The following SH3RF3 variants were observed in gnomAD, a reference collection of about 807,000 sequenced individuals.
The protein encoded by SH3RF3 is SH3 domain containing ring finger 3.
Under a neutral mutation model 66.3 loss-of-function variants are expected in SH3RF3, and 29 were observed. That is an observed-to-expected ratio of 0.44 (90% CI 0.33 to 0.60). The LOEUF (loss-of-function observed/expected upper bound fraction) is 0.60. SH3RF3 is among the 20% of genes least tolerant of loss of function. The pLI is 0.04. For missense variants in SH3RF3, 1,194 were observed against 1,190.9 expected, an observed-to-expected ratio of 1.00 and a Z score of -0.04; for synonymous variants, 583 against 532.0, an observed-to-expected ratio of 1.10 and a Z score of -1.32.
chr2:109,167,658 G>C (rs941387059), intron 1 of SH3RF3, among the ~76,000 whole-genome samples: 5 of 152,156 alleles, frequency 3.3e-5, no homozygotes, highest in African/African-American at 1.2e-4. Context: ...TGCAACCTCA[G>C]CTTCCTGGGT....
At chr2:109,321,754 A>G (rs1222809308) in intron 1 of SH3RF3, among the ~76,000 whole-genome samples, 2 of 152,210 alleles carry the variant, frequency 1.3e-5, no homozygotes, top group African/African-American at 2.4e-5. Context: ...GGGAAGATCT[A>G]CTTCCAACTA....
intron 1 of SH3RF3, among the ~76,000 whole-genome samples, chr2:109,307,046 G>A (rs1223816752): frequency 2.0e-5 from 3 of 152,202 alleles, no homozygotes; most frequent in Non-Finnish European, 4.4e-5. Context: ...ATTTATAAAT[G>A]TGAGGCTTTT....
Position 109,129,248 on chromosome 2 carries a change from C to T in SH3RF3, c.-293C>T, listed in dbSNP as rs1453675730. 2 of 579,448 alleles carry T rather than the reference C, an allele frequency of 3.5e-6. No individual in the cohort carries two copies. Among genetic ancestry groups the T allele is most frequent in the African/African-American group, 4.0e-5 (2 of 50,224 alleles). The allele number at this position is 579,448 out of a possible 1,614,324, so 35.9% of individuals were successfully genotyped here. On this transcript the variant is annotated 5_prime_UTR_variant, in exon 1 of 10. Coordinates refer to ENST00000309415, the MANE Select transcript of SH3RF3 (RefSeq NM_001099289.3). ...CGTGCCCGGCAGCACCCCCGGTCCC[C>T]CGCGCGGGGCGGACTTGCGGCGGGA...
intron 1 of SH3RF3, among the ~76,000 whole-genome samples, chr2:109,209,520 C>G (rs749998088): frequency 1.3e-5 from 2 of 152,088 alleles, no homozygotes; most frequent in Non-Finnish European, 2.9e-5. Flanking sequence ...GCAAGGGAGG[C>G]GAGAACTGTG....
intron 1 of SH3RF3, among the ~76,000 whole-genome samples, chr2:109,274,964 C>T (rs1680719415): frequency 6.6e-6 from 1 of 151,928 alleles, no homozygotes; most frequent in African/African-American, 2.4e-5. Flanking sequence ...TGGTTAATTT[C>T]CTGTTATATG....
chr2:109,167,812 C>T (rs1677665818), intron 1 of SH3RF3, among the ~76,000 whole-genome samples: 1 of 152,156 alleles, frequency 6.6e-6, no homozygotes, highest in Admixed American at 6.5e-5. Context: ...ACCTTGTGAT[C>T]CACCCACCTC....
rs59898984 is a variant in SH3RF3 at position 109,136,226 on chromosome 2, T to TA, written c.573+6122dup. ...TAACATGATCTTTTTTGAGGTGCAT[T>TA]AAAAAAAAACACACACATCAGCAAG... is the stretch of plus-strand genomic sequence containing the variant. On this transcript the variant is annotated intron_variant, in intron 1 of 9. Transcript: ENST00000309415. 4.8e-4 allele frequency among the ~76,000 whole-genome samples: 73 copies of TA among 151,074 alleles called. No individual in the cohort carries two copies. In the South Asian group the frequency reaches 7.7e-3, roughly 16 times the overall value.
Position 109,501,930 on chromosome 2 carries a change from TGAG to T in SH3RF3, c.*262_*264del. On this transcript the variant is annotated 3_prime_UTR_variant, in exon 10 of 10. Coordinates refer to ENST00000309415, the MANE Select transcript of SH3RF3 (RefSeq NM_001099289.3). ...TGTGGAAACTGCAAAGAAAGCACCT[TGAG>T]GAAGAGAGGCAGGTGCCGGCGCAGG... 1 of 441,076 alleles carries T rather than the reference TGAG, an allele frequency of 2.3e-6. No homozygotes were observed. Among genetic ancestry groups the T allele is most frequent in the South Asian group, 3.9e-5 (1 of 25,466 alleles). 27.3% of individuals were successfully genotyped at this position (441,076 alleles called of 1,614,324 possible).
At chr2:109,421,645 C>T (rs1418909673) in intron 5 of SH3RF3, among the ~76,000 whole-genome samples, 1 of 152,198 alleles carries the variant, frequency 6.6e-6, no homozygotes, top group Non-Finnish European at 1.5e-5. Flanking sequence ...CCACCTTCTC[C>T]CTCTGGGCTT....
chr2:109,418,153 C>T (rs183818183), intron 4 of SH3RF3, among the ~76,000 whole-genome samples: 2 of 152,232 alleles, frequency 1.3e-5, no homozygotes, highest in East Asian at 1.9e-4. Context: ...AGCCTGGCCC[C>T]GTCCTGTGCT....
chr2:109,465,109 A>T (rs1283165428), intron 8 of SH3RF3, among the ~76,000 whole-genome samples: 1 of 152,154 alleles, frequency 6.6e-6, no homozygotes, highest in Non-Finnish European at 1.5e-5. Flanking sequence ...TTATTTAGTG[A>T]TGTGCATTTA....
intron 1 of SH3RF3, among the ~76,000 whole-genome samples, chr2:109,202,466 T>G (rs1678698856): frequency 6.6e-6 from 1 of 152,246 alleles, no homozygotes; most frequent in Non-Finnish European, 1.5e-5. Context: ...CACAGTACTT[T>G]TTCTCTTTGT....
intron 1 of SH3RF3, among the ~76,000 whole-genome samples, chr2:109,230,208 C>A (rs1022122560): frequency 2.6e-5 from 4 of 151,946 alleles, no homozygotes; most frequent in African/African-American, 4.8e-5. Context: ...TACGGACATT[C>A]CTCAACTTGG....
chr2:109,183,120 A>G (rs546266384), intron 1 of SH3RF3, among the ~76,000 whole-genome samples: 1 of 152,236 alleles, frequency 6.6e-6, no homozygotes, highest in East Asian at 1.9e-4. Flanking sequence ...TCTTTAGAAG[A>G]TTGTGTACAA....
intron 1 of SH3RF3, among the ~76,000 whole-genome samples, chr2:109,230,203 A>G (rs1204231878): frequency 6.6e-6 from 1 of 152,044 alleles, no homozygotes; most frequent in Non-Finnish European, 1.5e-5. Flanking sequence ...TCAAATACGG[A>G]CATTCCTCAA....
chr2:109,479,641 T>C (rs974216494), intron 8 of SH3RF3, among the ~76,000 whole-genome samples: 3 of 152,098 alleles, frequency 2.0e-5, no homozygotes, highest in African/African-American at 7.2e-5. Flanking sequence ...AGGGCTCTAC[T>C]CCCACAGACA....
intron 1 of SH3RF3, among the ~76,000 whole-genome samples, chr2:109,177,854 CA>C (rs1677958502): frequency 6.6e-6 from 1 of 152,200 alleles, no homozygotes; most frequent in Non-Finnish European, 1.5e-5. Context: ...GCTTGTAGGT[CA>C]AGAACAAGTA....
At chr2:109,333,597 C>T (rs1006997638) in intron 1 of SH3RF3, among the ~76,000 whole-genome samples, 4 of 152,196 alleles carry the variant, frequency 2.6e-5, no homozygotes, top group African/African-American at 9.6e-5. Context: ...GCTACAATGG[C>T]AGAGTTGAAT....
intron 4 of SH3RF3, among the ~76,000 whole-genome samples, chr2:109,411,012 G>C (rs1676573623): frequency 6.6e-6 from 1 of 152,186 alleles, no homozygotes; most frequent in South Asian, 2.1e-4. Flanking sequence ...TTAAGGCCTA[G>C]AATCATTTAA....
Sources: allele counts gnomAD v4.1 joint callset (sites outside exome capture counted in the v4.1 genomes callset), GRCh38; gene constraint gnomAD v4.1.1; transcripts MANE v1.5; gene names NCBI Gene and HGNC (gene_info 2026-07-23, HGNC 2026-07-21).